Variants in TRPC1 observed in about 807,000 individuals in gnomAD.
The protein encoded by TRPC1 is short transient receptor potential channel 1.
A neutral mutation model predicts 88.2 loss-of-function variants in TRPC1; 42 were observed. That is an observed-to-expected ratio of 0.48 (90% CI 0.37 to 0.62). The LOEUF (loss-of-function observed/expected upper bound fraction) is 0.62. Ranked by LOEUF, TRPC1 falls within the 20% of genes least tolerant of loss-of-function variation. TRPC1 has a pLI of 0.00. For missense variants in TRPC1, 699 were observed against 957.3 expected (o/e 0.73, Z 3.56); for synonymous variants, 288 against 331.8 (o/e 0.87, Z 1.43).
Position 142,804,441 on chromosome 3 carries a change from T to C in TRPC1, c.1965T>C (p.His655=), listed in dbSNP as rs769005071. 1.2e-6 allele frequency: 2 copies of C among 1,609,954 alleles called. No homozygotes were observed. Among genetic ancestry groups the C allele is most frequent in the South Asian group, 2.2e-5 (2 of 89,918 alleles). ...LHKSFQLIAN[H]EDKEWKFARA... is the part of the protein sequence containing the mutation. ...TTAATTTGCCTTTTATATAGAATCATGAAGACAAAGAATGGAAGTTTGCTC... is the reference window on the plus strand; with the variant it reads ...TTAATTTGCCTTTTATATAGAATCACGAAGACAAAGAATGGAAGTTTGCTC... Residue 655 remains histidine, a synonymous_variant, in exon 12 of 13, where the codon CAT becomes CAC. Transcript: ENST00000476941.
intron 1 of TRPC1, among the ~76,000 whole-genome samples, chr3:142,735,988 G>GTAT (rs1219405361): frequency 6.6e-6 from 1 of 151,542 alleles, no homozygotes; most frequent in Non-Finnish European, 1.5e-5. Flanking sequence ...GTATATTTGA[G>GTAT]GTATAAAACT....
intron 4 of TRPC1, among the ~76,000 whole-genome samples, chr3:142,769,717 TC>T (rs1383572757): frequency 6.6e-6 from 1 of 152,174 alleles, no homozygotes; most frequent in Non-Finnish European, 1.5e-5. Context: ...TCTAATTTAT[TC>T]CATTGTGGTT....
At chr3:142,796,915 T>G (rs138313148) in intron 9 of TRPC1, among the ~76,000 whole-genome samples, 138 of 152,206 alleles carry the variant, frequency 9.1e-4, no homozygotes, top group African/African-American at 3.2e-3. Flanking sequence ...CAAGGGACTG[T>G]CAAATCCAAA....
At chr3:142,797,964 C>T (rs1278375057) in intron 9 of TRPC1, among the ~76,000 whole-genome samples, 1 of 151,958 alleles carries the variant, frequency 6.6e-6, no homozygotes, top group African/African-American at 2.4e-5. Context: ...CTGCTTCTAA[C>T]GAGTAAAGAG....
At chr3:142,805,123 TATATATAC>T (rs1343615438) in intron 12 of TRPC1, among the ~76,000 whole-genome samples, 2 of 96,700 alleles carry the variant, frequency 2.1e-5, no homozygotes, top group Non-Finnish European at 1.9e-5. Flanking sequence ...CAAACAAATA[TATATATAC>T]ACACACACAC....
At chr3:142,747,743 A>G (rs948552320) in intron 3 of TRPC1, among the ~76,000 whole-genome samples, 1 of 152,230 alleles carries the variant, frequency 6.6e-6, no homozygotes, top group African/African-American at 2.4e-5. Context: ...AAATGTGTAG[A>G]AAATTATACA....
At position 142,807,054 on chromosome 3, in the gene TRPC1, T is replaced by G. The variant is rs1312508569; in HGVS notation, c.*819T>G. 2 of 152,136 alleles carry G rather than the reference T, an allele frequency of 1.3e-5. No homozygotes were observed. The highest frequency in any genetic ancestry group is 3.8e-4 in the East Asian group (2 of 5,200). The allele number at this position is 152,136 out of a possible 1,614,324, so 9.4% of individuals were successfully genotyped here. ...CATAGCTACTTCTCGACATTTGGTT[T>G]GTTTTAATTTTTTTGTATCATAATA... On this transcript the variant is annotated 3_prime_UTR_variant, in exon 13 of 13. Coordinates refer to ENST00000476941, the MANE Select transcript of TRPC1 (RefSeq NM_001251845.2).
chr3:142,763,255 G>A (rs528983439), intron 4 of TRPC1, among the ~76,000 whole-genome samples: 6 of 151,862 alleles, frequency 4.0e-5, no homozygotes, highest in African/African-American at 1.5e-4. Context: ...TCTATTACTA[G>A]AGTGGCATGT....
At chr3:142,788,023 G>A (rs1936183191) in intron 7 of TRPC1, among the ~76,000 whole-genome samples, 1 of 152,176 alleles carries the variant, frequency 6.6e-6, no homozygotes, top group South Asian at 2.1e-4. Context: ...AACCAGGAGA[G>A]CTTGATTCAA....
chr3:142,751,743 C>G (rs1934772635), intron 4 of TRPC1, among the ~76,000 whole-genome samples: 2 of 152,082 alleles, frequency 1.3e-5, no homozygotes, highest in Admixed American at 1.3e-4. Flanking sequence ...AACCATCCAC[C>G]CTCACTCTTT....
intron 7 of TRPC1, among the ~76,000 whole-genome samples, chr3:142,789,822 C>A (rs956861943): frequency 6.6e-6 from 1 of 152,052 alleles, no homozygotes; most frequent in Non-Finnish European, 1.5e-5. Flanking sequence ...TATATTTATT[C>A]ATTTGGCAAT....
chr3:142,764,016 A>ATATAT (rs1935300275), intron 4 of TRPC1, among the ~76,000 whole-genome samples: 2 of 137,650 alleles, frequency 1.5e-5, no homozygotes, highest in African/African-American at 6.1e-5. Context: ...ATATATATAT[A>ATATAT]ACAAATTATT....
At chr3:142,763,975 T>TATATATATATATATATATATATAC (rs1207123362) in intron 4 of TRPC1, among the ~76,000 whole-genome samples, 1 of 68,530 alleles carries the variant, frequency 1.5e-5, no homozygotes, top group Admixed American at 1.1e-4. Flanking sequence ...TATATATATA[T>TATATATATATATATATATATATAC]ATATATATAC....
rs113117655 is a variant in TRPC1, at chr3:142,804,407, G to C, written c.1960-29G>C. Reference sequence around the variant, plus strand: ...TATTTGTGTGTGTATTAATATTCTAGTTTGCTTTTTAATTTGCCTTTTATA... The same window carrying C: ...TATTTGTGTGTGTATTAATATTCTACTTTGCTTTTTAATTTGCCTTTTATA... On this transcript the variant is annotated intron_variant, in intron 11 of 12. Coordinates refer to ENST00000476941, the MANE Select transcript of TRPC1 (RefSeq NM_001251845.2). 3.4e-5 allele frequency: 53 copies of C among 1,573,366 alleles called. No homozygotes were observed. In the African/African-American group the frequency reaches 6.0e-4, roughly 18 times the overall value.
chr3:142,727,821 C>G (rs928820857), intron 1 of TRPC1, among the ~76,000 whole-genome samples: 7 of 152,156 alleles, frequency 4.6e-5, no homozygotes, highest in Non-Finnish European at 5.9e-5. Context: ...GTGATTCTTA[C>G]AGCCATGGCT....
intron 2 of TRPC1, among the ~76,000 whole-genome samples, chr3:142,740,648 G>C (rs1164981187): frequency 6.6e-6 from 1 of 152,182 alleles, no homozygotes; most frequent in Non-Finnish European, 1.5e-5. Context: ...CATTGTGAAA[G>C]CCAAAAGAAT....
chr3:142,740,942 G>T (rs982640311), intron 2 of TRPC1, among the ~76,000 whole-genome samples: 1 of 152,148 alleles, frequency 6.6e-6, no homozygotes, highest in African/African-American at 2.4e-5. Flanking sequence ...GGGTTCTAAA[G>T]ATTGGAGAGC....
chr3:142,731,948 A>T (rs979112335), intron 1 of TRPC1, among the ~76,000 whole-genome samples: 2 of 152,184 alleles, frequency 1.3e-5, no homozygotes, highest in Non-Finnish European at 2.9e-5. Context: ...ATTTGTTTAC[A>T]TATGGTCTGT....
At chr3:142,784,184 A>G (rs755341313) in intron 6 of TRPC1, among the ~76,000 whole-genome samples, 26 of 152,118 alleles carry the variant, frequency 1.7e-4, no homozygotes, top group Admixed American at 5.2e-4. Flanking sequence ...GTTTCTCTAG[A>G]CTGAAGATGT....
Sources: gnomAD v4.1 joint callset for allele counts (sites outside exome capture counted in the v4.1 genomes callset) on GRCh38, gnomAD v4.1.1 for gene constraint, MANE v1.5 for transcripts, NCBI Gene and HGNC (gene_info 2026-07-23, HGNC 2026-07-21) for gene names.